UBE2H: variants seen among roughly 807,000 people sequenced by gnomAD.
UBE2H encodes the protein ubiquitin conjugating enzyme E2 H.
A neutral mutation model predicts 29.0 loss-of-function variants in UBE2H; 3 were observed. The observed-to-expected ratio is 0.10, with a 90% CI of 0.05 to 0.27. The LOEUF (loss-of-function observed/expected upper bound fraction) is 0.27. UBE2H is among the 10% of genes least tolerant of loss of function. UBE2H has a pLI of 1.00. For missense variants in UBE2H, 68 were observed against 228.2 expected, an observed-to-expected ratio of 0.30 and a Z score of 4.52; for synonymous variants, 69 against 82.9, an observed-to-expected ratio of 0.83 and a Z score of 0.91.
At position 129,852,835 on chromosome 7, in the gene UBE2H, C is replaced by T. The variant is rs908926104; in HGVS notation, c.298+4676G>A. ...CCGCCTCCCGGGTTCAAGCAATTCT[C>T]CTGCCTCAGCTGTCCGAGTAGCTGG... is the stretch of plus-strand genomic sequence containing the variant. On this transcript the variant is annotated intron_variant, in intron 5 of 6. Transcript: ENST00000355621. Among the ~76,000 whole-genome samples the T allele has an allele frequency of 2.6e-5, 4 of 152,222 alleles. No individual in the cohort carries two copies. In the South Asian group the frequency reaches 6.2e-4, roughly 24 times the overall value.
At chr7:129,884,364 C>T (rs1338055868) in intron 1 of UBE2H, among the ~76,000 whole-genome samples, 1 of 150,320 alleles carries the variant, frequency 6.7e-6, no homozygotes, top group Non-Finnish European at 1.5e-5. Context: ...TTGCAGTGAG[C>T]CAAGAATGTG....
At position 129,833,772 on chromosome 7, in the gene UBE2H, T is replaced by C. The variant is rs1315840008; in HGVS notation, c.*1165A>G. 1 of 152,086 alleles carries C rather than the reference T, an allele frequency of 6.6e-6. No homozygotes were observed. Among genetic ancestry groups the C allele is most frequent in the Non-Finnish European group, 1.5e-5 (1 of 68,020 alleles). The allele number at this position is 152,086 out of a possible 1,614,324, so 9.4% of individuals were successfully genotyped here. A position where few individuals can be genotyped will look rare whatever the true frequency, so the allele number is the denominator to read the frequency against. ...ATTTGTTTTAAATTTAGAACCTGTG[T>C]TGGGTCTAAAATACCCATTTCCCAC... On this transcript the variant is annotated 3_prime_UTR_variant, in exon 7 of 7. Transcript: ENST00000355621.
chr7:129,857,236 TTCATGTGTGTGCGCATGTAC>T (rs747265056), intron 5 of UBE2H: 3 of 418,374 alleles, frequency 7.2e-6, no homozygotes, highest in Admixed American at 8.5e-5. Context: ...TGCACATGTA[TTCATGTGTGTGCGCATGTAC>T]TCATGTGTGT....
rs767802558 is a variant in UBE2H at position 129,834,927 on chromosome 7, G to A, written c.*10C>T. On this transcript the variant is annotated 3_prime_UTR_variant, in exon 7 of 7. Coordinates refer to ENST00000355621, the MANE Select transcript of UBE2H (RefSeq NM_003344.4). The stretch of plus-strand genomic sequence containing the variant: ...ATAATAGTCTTTCTGAAAAGCAGGT[G>A]CTTTTTCTACTACAACTCCATATCC... 2.3e-5 allele frequency: 37 copies of A among 1,612,248 alleles called. No individual in the cohort carries two copies. In the Admixed American group the frequency reaches 5.7e-4, roughly 25 times the overall value.
intron 1 of UBE2H, among the ~76,000 whole-genome samples, chr7:129,888,941 G>C (rs1394272608): frequency 2.0e-5 from 3 of 152,200 alleles, no homozygotes; most frequent in Non-Finnish European, 4.4e-5. Flanking sequence ...GGGATGGTCT[G>C]CTATGGAAGG....
Position 129,880,961 on chromosome 7 carries a change from T to C in UBE2H, c.64A>G (p.Lys22Glu). Residue 22 changes from lysine to glutamate, a missense_variant, in exon 2 of 7, where the codon AAA becomes GAA. Lys to Glu is a moderately conservative substitution (Grantham distance 56). This residue lies in a region of UBE2H where 40 missense variants were observed against 174.1 expected (regional missense o/e 0.23). Transcript: ENST00000355621. ...DTDVVKLIES[K>E]HEVTILGGLN... ...CCTCCCAGGATCGTAACCTCATGTTTACTCTCGATGCTAAGGTGGACGGTA... is the reference window on the plus strand; with the variant it reads ...CCTCCCAGGATCGTAACCTCATGTTCACTCTCGATGCTAAGGTGGACGGTA... 6.2e-7 allele frequency: 1 copy of C among 1,613,600 alleles called. No homozygotes were observed. Among genetic ancestry groups the C allele is most frequent in the Non-Finnish European group, 8.5e-7 (1 of 1,179,836 alleles).
intron 1 of UBE2H, among the ~76,000 whole-genome samples, chr7:129,940,272 G>A (rs941186465): frequency 3.3e-5 from 5 of 152,168 alleles, no homozygotes; most frequent in African/African-American, 1.2e-4. Context: ...TATGTAGGGA[G>A]TATCTCCTAC....
intron 5 of UBE2H, 127 bp from the exon 6 acceptor site, chr7:129,839,462 C>T (rs1805387983): frequency 7.8e-7 from 1 of 1,275,304 alleles, no homozygotes; most frequent in Non-Finnish European, 1.1e-6. Context: ...TACGAGTGTG[C>T]TCTATTACAT....
At chr7:129,861,245 A>G (rs1461342646) in intron 3 of UBE2H, among the ~76,000 whole-genome samples, 2 of 151,928 alleles carry the variant, frequency 1.3e-5, no homozygotes, top group African/African-American at 4.8e-5. Context: ...AGACTTTAAC[A>G]CTATTAATAT....
intron 1 of UBE2H, among the ~76,000 whole-genome samples, chr7:129,924,215 A>G (rs1807219646): frequency 6.6e-6 from 1 of 152,174 alleles, no homozygotes; most frequent in Admixed American, 6.6e-5. Flanking sequence ...CTACAAAAAC[A>G]TTTGTTTAAA....
chr7:129,900,534 C>G (rs1806689326), intron 1 of UBE2H, among the ~76,000 whole-genome samples: 1 of 152,130 alleles, frequency 6.6e-6, no homozygotes, highest in South Asian at 2.1e-4. Flanking sequence ...CAACCTCACC[C>G]CCATGTTTCT....
chr7:129,949,552 C>CA (rs1807832540), intron 1 of UBE2H, among the ~76,000 whole-genome samples: 1 of 152,106 alleles, frequency 6.6e-6, no homozygotes. Context: ...AGTTTCAGAA[C>CA]ATAATCACCC....
chr7:129,865,730 T>G (rs1805891461), intron 3 of UBE2H, among the ~76,000 whole-genome samples: 2 of 152,222 alleles, frequency 1.3e-5, no homozygotes, highest in Admixed American at 1.3e-4. Context: ...ATCGTCTATC[T>G]TCAGAACAAC....
At chr7:129,950,919 A>C (rs2116541110) in intron 1 of UBE2H, among the ~76,000 whole-genome samples, 1 of 152,318 alleles carries the variant, frequency 6.6e-6, no homozygotes, top group South Asian at 2.1e-4. Context: ...TTGCGCCTGA[A>C]CATATATTGG....
intron 1 of UBE2H, among the ~76,000 whole-genome samples, chr7:129,885,168 C>T (rs113815442): frequency 0.024 from 3,588 of 152,104 alleles, 63 homozygotes; most frequent in Middle Eastern, 0.037. Context: ...TGTGTCTGTT[C>T]AACTTGGGTA....
chr7:129,911,551 G>A (rs769898241), intron 1 of UBE2H, among the ~76,000 whole-genome samples: 12 of 152,228 alleles, frequency 7.9e-5, no homozygotes, highest in South Asian at 2.1e-4. Context: ...TGTTGGGATC[G>A]TCTTGGAGAG....
intron 1 of UBE2H, among the ~76,000 whole-genome samples, chr7:129,901,446 G>C (rs780273087): frequency 2.6e-5 from 4 of 152,196 alleles, no homozygotes; most frequent in Non-Finnish European, 5.9e-5. Flanking sequence ...TGGGATAGAG[G>C]TCGGTGGGGG....
At chr7:129,887,218 C>CTTT (rs58727788) in intron 1 of UBE2H, among the ~76,000 whole-genome samples, 7 of 103,960 alleles carry the variant, frequency 6.7e-5, no homozygotes, top group Admixed American at 2.1e-4. Flanking sequence ...CTCTCTTGAA[C>CTTT]TTTTTTTTTT....
At chr7:129,949,059 T>G (rs200997842) in intron 1 of UBE2H, 19 of 456,552 alleles carry the variant, frequency 4.2e-5, no homozygotes, top group South Asian at 2.8e-4. Context: ...TTTGCCTGCA[T>G]ACGCTTTTCC....
Sources: gnomAD v4.1 joint callset for allele counts (sites outside exome capture counted in the v4.1 genomes callset) on GRCh38, gnomAD v4.1.1 for gene constraint, gnomAD v4.1.1 regional missense constraint, MANE v1.5 for transcripts, NCBI Gene and HGNC (gene_info 2026-07-23, HGNC 2026-07-21) for gene names.